Variants in RANBP2 observed in about 807,000 individuals in gnomAD.
RANBP2 encodes RAN binding protein 2, also known as E3 SUMO-protein ligase RanBP2.
RANBP2 carries 57 observed loss-of-function variants against 303.6 expected under a neutral mutation model. That is an observed-to-expected ratio of 0.19 (90% CI 0.15 to 0.23). RANBP2 has a LOEUF of 0.23. Ranked by LOEUF, RANBP2 falls within the 10% of genes least tolerant of loss-of-function variation. The pLI is 1.00. For missense variants in RANBP2, 3,138 were observed against 3,780.8 expected (o/e 0.83, Z 4.46); for synonymous variants, 1,167 against 1,301.5 (o/e 0.90, Z 2.23).
chr2:109,291,690 C>T, the RANBP2 span, among the ~76,000 whole-genome samples: 3 of 152,136 alleles, frequency 2.0e-5, no homozygotes, highest in Admixed American at 6.5e-5. Context: ...GGCCTTAAGT[C>T]GCTCCTCTTT....
intron 9 of RANBP2, among the ~76,000 whole-genome samples, chr2:108,749,726 G>T (rs1204107354): frequency 3.9e-5 from 6 of 152,126 alleles, no homozygotes; most frequent in African/African-American, 9.7e-5. Flanking sequence ...TGAGTAGCTG[G>T]TACCATAGGC....
At chr2:109,031,669 G>A in the RANBP2 span, among the ~76,000 whole-genome samples, 1 of 152,132 alleles carries the variant, frequency 6.6e-6, no homozygotes, top group East Asian at 1.9e-4. Flanking sequence ...AACGGAGAGC[G>A]CCGCTTCAGC....
Position 108,782,586 on chromosome 2 carries a change from T to A in RANBP2, c.9093T>A (p.Asp3031Glu). ...AVRFKTKEVA[D>E]CFKKTFEECQ... ...GATTTAAAACTAAAGAAGTAGCTGA[T>A]TGTTTCAAGAAAACATTTGAAGAAT... is the stretch of plus-strand genomic sequence containing the variant. Residue 3031 changes from aspartate (D) to glutamate (E), a missense_variant, in exon 28 of 29, where the codon GAT (aspartate) becomes GAA (glutamate). Asp to Glu is a conservative substitution (Grantham distance 45, BLOSUM62 2). This residue lies in a region of RANBP2 where 204 missense variants were observed against 228.4 expected (regional missense o/e 0.89). Transcript: ENST00000283195. 1 of 1,614,210 alleles carries A rather than the reference T, an allele frequency of 6.2e-7. No homozygotes were observed. The highest frequency in any genetic ancestry group is 8.5e-7 in the Non-Finnish European group (1 of 1,180,042).
the RANBP2 span, among the ~76,000 whole-genome samples, chr2:109,085,215 A>T: frequency 6.6e-6 from 1 of 152,174 alleles, no homozygotes; most frequent in East Asian, 1.9e-4. Context: ...TTTGAGCTCC[A>T]CCACTCCATA....
the RANBP2 span, among the ~76,000 whole-genome samples, chr2:108,874,627 A>G: frequency 2.0e-5 from 3 of 152,112 alleles, no homozygotes; most frequent in East Asian, 3.9e-4. Flanking sequence ...AGTAAATGCA[A>G]TGCATCTTGA....
the RANBP2 span, among the ~76,000 whole-genome samples, chr2:108,977,252 C>T: frequency 1.3e-5 from 2 of 152,136 alleles, no homozygotes; most frequent in Admixed American, 6.5e-5. Context: ...GGCCTCTCAG[C>T]TTGGCTCCTG....
At chr2:109,015,212 T>C in the RANBP2 span, among the ~76,000 whole-genome samples, 64 of 146,040 alleles carry the variant, frequency 4.4e-4, no homozygotes, top group African/African-American at 1.3e-3. Context: ...TTAATACAGT[T>C]GACCCTTGAA....
At chr2:109,016,476 C>T in the RANBP2 span, among the ~76,000 whole-genome samples, 1 of 152,324 alleles carries the variant, frequency 6.6e-6, no homozygotes, top group East Asian at 1.9e-4. Flanking sequence ...TGCTTCCTCA[C>T]CATTTGATTT....
chr2:108,742,216 G>A (rs1479575952), intron 7 of RANBP2, among the ~76,000 whole-genome samples: 1 of 151,870 alleles, frequency 6.6e-6, no homozygotes, highest in East Asian at 1.9e-4. Flanking sequence ...GGCTGATCTC[G>A]AACTCCTGAC....
At chr2:109,545,845 A>G in the RANBP2 span, 5 of 1,437,222 alleles carry the variant, frequency 3.5e-6, no homozygotes, top group South Asian at 6.2e-5. Flanking sequence ...TACTGAACAC[A>G]TAACATGTGC....
At chr2:108,841,726 C>T in the RANBP2 span, among the ~76,000 whole-genome samples, 1 of 152,076 alleles carries the variant, frequency 6.6e-6, no homozygotes, top group East Asian at 1.9e-4. Flanking sequence ...AGGCCATTTA[C>T]ATGTAATGTA....
downstream of RANBP2, chr2:108,786,709 C>G (rs1678805983): frequency 1.0e-6 from 1 of 997,434 alleles, no homozygotes; most frequent in African/African-American, 1.7e-5. Context: ...TTCCCTGCCG[C>G]CGTGCGTGCC....
the RANBP2 span, among the ~76,000 whole-genome samples, chr2:108,860,009 A>G: frequency 6.6e-6 from 1 of 151,976 alleles, no homozygotes; most frequent in Non-Finnish European, 1.5e-5. Flanking sequence ...CCTTGTAGAG[A>G]TATTTCACCT....
chr2:109,607,983 A>G, the RANBP2 span, among the ~76,000 whole-genome samples: 1 of 152,350 alleles, frequency 6.6e-6, no homozygotes, highest in South Asian at 2.1e-4. Context: ...GAAAAGTTCA[A>G]TGTCTGTTTC....
At chr2:109,466,274 G>C in the RANBP2 span, among the ~76,000 whole-genome samples, 1 of 151,976 alleles carries the variant, frequency 6.6e-6, no homozygotes, top group East Asian at 1.9e-4. Flanking sequence ...GTAGAGACGG[G>C]GTTTCACTGT....
chr2:108,844,938 G>T, the RANBP2 span, among the ~76,000 whole-genome samples: 1 of 151,956 alleles, frequency 6.6e-6, no homozygotes, highest in Non-Finnish European at 1.5e-5. Flanking sequence ...AGTAGAGACG[G>T]GGTTTCACCA....
the RANBP2 span, chr2:108,940,357 T>C: frequency 6.6e-6 from 1 of 152,340 alleles, no homozygotes; most frequent in African/African-American, 2.4e-5. Flanking sequence ...AGGGAGGACG[T>C]ATGGGGGCTG....
the RANBP2 span, among the ~76,000 whole-genome samples, chr2:109,165,463 G>A: frequency 6.6e-6 from 1 of 152,218 alleles, no homozygotes; most frequent in Non-Finnish European, 1.5e-5. Flanking sequence ...GATGGAAGGG[G>A]AATAGAGAGA....
the RANBP2 span, among the ~76,000 whole-genome samples, chr2:109,626,480 C>T: frequency 2.1e-5 from 3 of 144,288 alleles, no homozygotes; most frequent in Non-Finnish European, 3.0e-5. Flanking sequence ...AAACGAAAAA[C>T]AAAACAAACA....
Sources: gnomAD v4.1 joint callset for allele counts (sites outside exome capture counted in the v4.1 genomes callset) on GRCh38, gnomAD v4.1.1 for gene constraint, gnomAD v4.1.1 regional missense constraint, MANE v1.5 for transcripts, NCBI Gene and HGNC (gene_info 2026-07-23, HGNC 2026-07-21) for gene names.